PAX8: variants seen among roughly 807,000 people sequenced by gnomAD.
PAX8 encodes the protein paired box 8.
A neutral mutation model predicts 52.4 loss-of-function variants in PAX8; 15 were observed. That is an observed-to-expected ratio of 0.29 (90% confidence interval 0.19 to 0.44). PAX8 has a LOEUF of 0.44. Among genes scored for constraint, PAX8 ranks in the 20% least tolerant of loss-of-function variants. PAX8 has a pLI of 1.00. For synonymous variants in PAX8, 284 were observed against 249.7 expected (o/e 1.14, Z -1.29); for missense variants, 554 against 602.5 (o/e 0.92, Z 0.84).
At chr2:113,234,723 T>C (rs1690136976) in intron 9 of PAX8, among the ~76,000 whole-genome samples, 1 of 152,108 alleles carries the variant, frequency 6.6e-6, no homozygotes, top group Non-Finnish European at 1.5e-5. Context: ...TTTCATCATC[T>C]TGGCCAGGCT....
chr2:113,217,316 C>T lies in PAX8; in HGVS notation c.*1217G>A, dbSNP rs1689060732. 1 of 226,838 alleles carries T rather than the reference C, an allele frequency of 4.4e-6. No homozygotes were observed. Among genetic ancestry groups the T allele is most frequent in the Non-Finnish European group, 8.8e-6 (1 of 113,790 alleles). The allele number at this position is 226,838 out of a possible 1,614,324, so 14.1% of individuals were successfully genotyped here. ...AGCTCTGATGTTCTTGGGAGAAAGC[C>T]CAGCCCCGGGATGCCTCCTTCCCCA... On this transcript the variant is annotated 3_prime_UTR_variant, in exon 12 of 12. Coordinates refer to ENST00000429538, the MANE Select transcript of PAX8 (RefSeq NM_003466.4).
At chr2:113,257,472 A>G (rs924532949) in intron 2 of PAX8, among the ~76,000 whole-genome samples, 4 of 152,244 alleles carry the variant, frequency 2.6e-5, no homozygotes, top group African/African-American at 4.8e-5. Context: ...GGGTCTTCCA[A>G]TCGAATGTGA....
rs374341005 is a variant in PAX8 at position 113,278,865 on chromosome 2, T to A, written c.-110A>T. 9.4e-6 allele frequency: 10 copies of A among 1,059,736 alleles called. No individual in the cohort carries two copies. In the East Asian group the frequency reaches 4.2e-4, roughly 44 times the overall value. The allele number at this position is 1,059,736 out of a possible 1,614,324, so 65.6% of individuals were successfully genotyped here. On this transcript the variant is annotated 5_prime_UTR_variant, in exon 1 of 12. Transcript: ENST00000429538. ...CGGCTGCAGGCCCTCACTGCTTGGG[T>A]CCGCCCGCGAGGGTGCCCTGGGCCC... is the stretch of plus-strand genomic sequence containing the variant.
At chr2:113,255,144 GGAAA>G (rs1410349834) in intron 2 of PAX8, among the ~76,000 whole-genome samples, 1 of 143,556 alleles carries the variant, frequency 7.0e-6, no homozygotes, top group African/African-American at 2.6e-5. Context: ...AAGGAAGGAA[GGAAA>G]GAAGGAAGGA....
At chr2:113,242,273 A>G in intron 5 of PAX8, 143 bp from the exon 6 acceptor site, 1 of 661,140 alleles carries the variant, frequency 1.5e-6, no homozygotes, top group Non-Finnish European at 2.6e-6. Context: ...CACCCCTTAC[A>G]GCCCTGGGGT....
intron 1 of PAX8, 100 bp from the exon 2 acceptor site, chr2:113,278,569 GC>G: frequency 9.3e-7 from 1 of 1,074,936 alleles, no homozygotes; most frequent in Non-Finnish European, 1.3e-6. Flanking sequence ...TGCATCGTCT[GC>G]CAGGAGTAGG....
chr2:113,262,279 G>A (rs1421507807), intron 2 of PAX8, among the ~76,000 whole-genome samples: 10 of 152,170 alleles, frequency 6.6e-5, no homozygotes, highest in African/African-American at 2.2e-4. Context: ...GCCTCCCAAA[G>A]TGCTGGGATT....
At chr2:113,275,726 A>AT (rs987633365) in intron 2 of PAX8, 2 of 152,150 alleles carry the variant, frequency 1.3e-5, no homozygotes, top group Non-Finnish European at 2.9e-5. Flanking sequence ...GCATCTTTGA[A>AT]TTTTTTTAAA....
intron 2 of PAX8, among the ~76,000 whole-genome samples, chr2:113,253,214 C>T (rs4848320): frequency 0.21 from 32,087 of 152,106 alleles, 3,848 homozygotes; most frequent in South Asian, 0.35. Flanking sequence ...TGTTTTCTCC[C>T]TTCAGGCTTC....
intron 2 of PAX8, among the ~76,000 whole-genome samples, chr2:113,262,112 G>A (rs1228102774): frequency 2.0e-5 from 3 of 152,234 alleles, no homozygotes; most frequent in Non-Finnish European, 4.4e-5. Context: ...TTACAGGCAT[G>A]AGCCACTGTG....
chr2:113,264,655 G>A (rs573124663), intron 2 of PAX8, among the ~76,000 whole-genome samples: 1 of 152,228 alleles, frequency 6.6e-6, no homozygotes, highest in African/African-American at 2.4e-5. Flanking sequence ...TCAGAGGCAG[G>A]TTGTCACTGT....
intron 9 of PAX8, among the ~76,000 whole-genome samples, chr2:113,233,757 C>T (rs1171036378): frequency 6.6e-6 from 1 of 151,794 alleles, no homozygotes; most frequent in Non-Finnish European, 1.5e-5. Flanking sequence ...TTGTAGAGGT[C>T]TTAATCCTCT....
rs868541383 is a variant in PAX8, at chr2:113,218,282, C to T, written c.*251G>A. On this transcript the variant is annotated 3_prime_UTR_variant, in exon 12 of 12. Transcript: ENST00000429538. Reference sequence around the variant, plus strand: ...ATTTCTTCTTCAATTTTGTCTTTTTCAGCATGGCATGGTTCTCTTTCCCTG... The same window carrying T: ...ATTTCTTCTTCAATTTTGTCTTTTTTAGCATGGCATGGTTCTCTTTCCCTG... 1.0e-5 allele frequency: 4 copies of T among 391,406 alleles called. No homozygotes were observed. The highest frequency in any genetic ancestry group is 1.8e-5 in the Non-Finnish European group (4 of 220,934). 24.2% of individuals were successfully genotyped at this position (391,406 alleles called of 1,614,324 possible).
intron 7 of PAX8, chr2:113,239,685 C>T (rs1690655546): frequency 1.3e-5 from 2 of 152,194 alleles, no homozygotes; most frequent in Admixed American, 1.3e-4. Context: ...TCAGTCTCCT[C>T]ATCTGAAAGA....
intron 10 of PAX8, chr2:113,226,880 C>A: frequency 7.5e-7 from 1 of 1,340,030 alleles, no homozygotes; most frequent in African/African-American, 1.5e-5. Flanking sequence ...GATTTGAACA[C>A]AGACCTGTCT....
At chr2:113,235,315 G>C (rs925909398) in intron 9 of PAX8, 79 bp downstream of exon 9, 5 of 1,241,070 alleles carry the variant, frequency 4.0e-6, no homozygotes, top group Non-Finnish European at 5.6e-6. Context: ...AGGCCAGAGA[G>C]GGGGCTGGCG....
At chr2:113,237,349 T>C (rs1267767164) in intron 7 of PAX8, 1 of 152,174 alleles carries the variant, frequency 6.6e-6, no homozygotes, top group Non-Finnish European at 1.5e-5. Flanking sequence ...TAATATTATG[T>C]CTGTGTTTTA....
At chr2:113,249,550 A>G (rs1157928462) in intron 2 of PAX8, among the ~76,000 whole-genome samples, 1 of 151,474 alleles carries the variant, frequency 6.6e-6, no homozygotes, top group Non-Finnish European at 1.5e-5. Flanking sequence ...AAAAAATGCC[A>G]TTCTGGGGTG....
chr2:113,235,980 G>A (rs1690268503), intron 8 of PAX8: 1 of 219,580 alleles, frequency 4.6e-6, no homozygotes, highest in South Asian at 1.4e-4. Context: ...GCGACCCCTC[G>A]GCCCACCTTG....
Sources: allele counts gnomAD v4.1 joint callset (sites outside exome capture counted in the v4.1 genomes callset), GRCh38; gene constraint gnomAD v4.1.1; transcripts MANE v1.5; gene names NCBI Gene and HGNC (gene_info 2026-07-23, HGNC 2026-07-21).